The following AKR1C4 variants were observed in gnomAD, a reference collection of about 807,000 sequenced individuals.
The protein encoded by AKR1C4 is aldo-keto reductase family 1 member C4.
Under a neutral mutation model 41.0 loss-of-function variants are expected in AKR1C4, and 44 were observed. The observed-to-expected ratio is 1.07, with a 90% CI of 0.84 to 1.38. The LOEUF (loss-of-function observed/expected upper bound fraction) is 1.38. Ranked by LOEUF, AKR1C4 falls within the 40% of genes most tolerant of loss-of-function variation. AKR1C4 has a pLI of 0.00. For missense variants in AKR1C4, 438 were observed against 387.9 expected (o/e 1.13, Z -1.09); for synonymous variants, 165 against 137.7 (o/e 1.20, Z -1.39).
chr10:5,199,739 TC>T (rs1832367499), intron 1 of AKR1C4, among the ~76,000 whole-genome samples: 1 of 151,782 alleles, frequency 6.6e-6, no homozygotes, highest in African/African-American at 2.4e-5. Context: ...CCTTCTGACT[TC>T]CCCCCAAGCT....
intron 3 of AKR1C4, among the ~76,000 whole-genome samples, chr10:5,205,497 G>A (rs782564523): frequency 9.2e-5 from 14 of 152,136 alleles, no homozygotes; most frequent in Admixed American, 6.5e-4. Flanking sequence ...TCAGACAAAA[G>A]TAACAGAAGT....
chr10:5,216,843 T>G (rs781991900), intron 8 of AKR1C4, 50 bp downstream of exon 8: 18 of 1,359,144 alleles, frequency 1.3e-5, no homozygotes, highest in Non-Finnish European at 1.8e-5. Context: ...AGAGGAGGAA[T>G]GTCAGATGGG....
Position 5,213,074 on chromosome 10 carries a change from TG to T in AKR1C4, c.762del (p.Ile255LeufsTer34). On this transcript the variant is annotated frameshift_variant, in exon 7 of 9. Coordinates refer to ENST00000263126, the MANE Select transcript of AKR1C4 (RefSeq NM_001818.5). LOFTEE classifies it high-confidence loss of function. ...LAKKHKQTPA[L>X]IALRYQLQRG... ...AAGAAACACAAACAAACCCCAGCCC[TG>T]ATTGCCCTGCGCTACCAGCTGCAGC... 6.2e-7 allele frequency: 1 copy of T among 1,614,154 alleles called. No individual in the cohort carries two copies. Among genetic ancestry groups the T allele is most frequent in the South Asian group, 1.1e-5 (1 of 91,082 alleles).
rs1554797482 is a variant in AKR1C4 at position 5,206,313 on chromosome 10, C to T, written c.486C>T (p.Ser162=). 1 of 1,614,076 alleles carries T rather than the reference C, an allele frequency of 6.2e-7. No individual in the cohort carries two copies. The highest frequency in any genetic ancestry group is 1.7e-5 in the Admixed American group (1 of 60,000). The change falls in exon 5 of 9, where the codon TCC becomes TCT. Residue 162 remains serine, a synonymous_variant. Coordinates refer to ENST00000263126, the MANE Select transcript of AKR1C4 (RefSeq NM_001818.5). The part of the protein sequence containing the change: ...EKCKDAGLAK[S]IGVSNFNCRQ... Reference sequence around the variant, plus strand: ...GTAAGGATGCAGGATTGGCCAAGTCCATCGGGGTGTCAAACTTCAACTGCA... The same window carrying T: ...GTAAGGATGCAGGATTGGCCAAGTCTATCGGGGTGTCAAACTTCAACTGCA...
intron 7 of AKR1C4, 106 bp from the exon 8 acceptor site, chr10:5,216,605 C>G: frequency 1.4e-6 from 1 of 722,592 alleles, no homozygotes; most frequent in Non-Finnish European, 2.3e-6. Context: ...GGAAACTTAT[C>G]AAGTATTTTA....
chr10:5,218,775 C>G lies in AKR1C4; in HGVS notation c.*15C>G. Reference sequence around the variant, plus strand: ...ATGAATATTAGCATAGAGGGTGTTGCACGACATCTAGCAGAAGGCCCTGTG... The same window carrying G: ...ATGAATATTAGCATAGAGGGTGTTGGACGACATCTAGCAGAAGGCCCTGTG... On this transcript the variant is annotated 3_prime_UTR_variant, in exon 9 of 9. Coordinates refer to ENST00000263126, the MANE Select transcript of AKR1C4 (RefSeq NM_001818.5). 6.2e-7 allele frequency: 1 copy of G among 1,601,210 alleles called. No individual in the cohort carries two copies. The highest frequency in any genetic ancestry group is 8.6e-7 in the Non-Finnish European group (1 of 1,168,422).
chr10:5,217,685 G>A (rs1044948851), intron 8 of AKR1C4, among the ~76,000 whole-genome samples: 8 of 152,184 alleles, frequency 5.3e-5, no homozygotes, highest in Admixed American at 2.6e-4. Context: ...CCTTGAACCC[G>A]GGAAGCAGAG....
At chr10:5,213,516 T>A (rs1340030957) in intron 7 of AKR1C4, among the ~76,000 whole-genome samples, 1 of 152,228 alleles carries the variant, frequency 6.6e-6, no homozygotes. Context: ...TTACTCAGTA[T>A]AAATTTCATA....
chr10:5,213,180 C>A (rs781878980), intron 7 of AKR1C4, 21 bp downstream of exon 7: 23 of 1,611,980 alleles, frequency 1.4e-5, no homozygotes, highest in Non-Finnish European at 1.9e-5. Flanking sequence ...GGGTGGGCAT[C>A]AGGGCTCCTG....
At chr10:5,203,199 C>T (rs782093162) in intron 2 of AKR1C4, among the ~76,000 whole-genome samples, 2 of 152,112 alleles carry the variant, frequency 1.3e-5, no homozygotes, top group Non-Finnish European at 2.9e-5. Context: ...TTGTCTGCAG[C>T]ACACTTCCTG....
rs782694538 is a variant in AKR1C4 at position 5,206,257 on chromosome 10, C to T, written c.448-18C>T. ...AGCCAACTGCACAAATAATTCCTCA[C>T]AACCCCTTTCTCCCCAGGTCATGGA... On this transcript the variant is annotated intron_variant, in intron 4 of 8. Transcript: ENST00000263126. 6.2e-7 allele frequency: 1 copy of T among 1,613,964 alleles called. No homozygotes were observed. The highest frequency in any genetic ancestry group is 8.5e-7 in the Non-Finnish European group (1 of 1,179,896).
intron 3 of AKR1C4, among the ~76,000 whole-genome samples, chr10:5,205,044 GA>G (rs1291206474): frequency 1.1e-4 from 16 of 152,000 alleles, no homozygotes; most frequent in African/African-American, 2.4e-4. Context: ...TAAATTTATA[GA>G]AAAAAAACTC....
Position 5,204,397 on chromosome 10 carries a change from A to T in AKR1C4, c.273A>T (p.Gln91His). 6.2e-7 allele frequency: 1 copy of T among 1,613,896 alleles called. No individual in the cohort carries two copies. The highest frequency in any genetic ancestry group is 1.1e-5 in the South Asian group (1 of 91,074). Residue 91 changes from glutamine to histidine, a missense_variant, in exon 3 of 9, where the codon CAA (glutamine) becomes CAT (histidine). By Grantham distance (24) the Gln-to-His change is conservative. Transcript: ENST00000263126. The part of the protein sequence containing the change: ...YTSKLWCTFF[Q>H]PQMVQPALES... Reference sequence around the variant, plus strand: ...TGCAGCTTTGGTGCACTTTCTTTCAACCACAGATGGTCCAACCAGCCTTGG... The same window carrying T: ...TGCAGCTTTGGTGCACTTTCTTTCATCCACAGATGGTCCAACCAGCCTTGG...
Position 5,205,777 on chromosome 10 carries a change from A to C in AKR1C4, c.390A>C (p.Pro130=). 1 of 1,613,550 alleles carries C rather than the reference A, an allele frequency of 6.2e-7. No individual in the cohort carries two copies. Among genetic ancestry groups the C allele is most frequent in the Non-Finnish European group, 8.5e-7 (1 of 1,179,614 alleles). ...MALKPGETPL[P]KDENGKVIFD... is the part of the protein sequence containing the mutation. The stretch of plus-strand genomic sequence containing the variant: ...TTCAGCCAGGTGAGACGCCACTACC[A>C]AAAGATGAAAATGGAAAAGTAATAT... The change falls in exon 4 of 9, where the codon CCA becomes CCC. Residue 130 remains proline (P), a synonymous_variant. Transcript: ENST00000263126.
Position 5,218,732 on chromosome 10 carries a change from C to T in AKR1C4, c.944C>T (p.Pro315Leu). 6.2e-7 allele frequency: 1 copy of T among 1,603,248 alleles called. No individual in the cohort carries two copies. Among genetic ancestry groups the T allele is most frequent in the Admixed American group, 1.7e-5 (1 of 60,000 alleles). ...YVVMDFLMDH[P>L]DYPFSDEY The stretch of plus-strand genomic sequence containing the variant: ...TCTCTTTTCAGTCTTATGGACCATC[C>T]TGATTATCCATTTTCAGATGAATAT... The change falls in exon 9 of 9, where the codon CCT becomes CTT. Residue 315 changes from proline to leucine, a missense_variant. Coordinates refer to ENST00000263126, the MANE Select transcript of AKR1C4 (RefSeq NM_001818.5).
chr10:5,206,172 ATT>A, intron 4 of AKR1C4, 101 bp from the exon 5 acceptor site: 1 of 1,550,642 alleles, frequency 6.4e-7, no homozygotes, highest in Non-Finnish European at 8.7e-7. Context: ...TGCTATTTTC[ATT>A]GTCATATCTT....
intron 5 of AKR1C4, among the ~76,000 whole-genome samples, chr10:5,211,461 G>A (rs563865778): frequency 6.6e-6 from 1 of 150,940 alleles, no homozygotes; most frequent in South Asian, 2.1e-4. Context: ...CACATCTCTA[G>A]GGCAGGGACA....
rs1161477826 is a variant in AKR1C4 at position 5,218,870 on chromosome 10, C to G, written c.*110C>G. On this transcript the variant is annotated 3_prime_UTR_variant, in exon 9 of 9. Coordinates refer to ENST00000263126, the MANE Select transcript of AKR1C4 (RefSeq NM_001818.5). ...ACACAGCCTCTGGTTAAATCCCTCC[C>G]CTCCTGCTTGGCAACTTCAGCTAGC... The G allele has an allele frequency of 2.9e-6, 3 of 1,018,386 alleles. No individual in the cohort carries two copies. The Admixed American group carries it at 6.5e-5, about 22-fold the overall frequency. 63.1% of individuals were successfully genotyped at this position (1,018,386 alleles called of 1,614,324 possible).
rs577292284 is a variant in AKR1C4 at position 5,209,866 on chromosome 10, C to G, written c.571-2750C>G. ...GGACACATAGCCAAACCATATCATGCCACCCCTGGCCCCTCCCAAATCTCA... is the reference window on the plus strand; with the variant it reads ...GGACACATAGCCAAACCATATCATGGCACCCCTGGCCCCTCCCAAATCTCA... On this transcript the variant is annotated intron_variant, in intron 5 of 8. Coordinates refer to ENST00000263126, the MANE Select transcript of AKR1C4 (RefSeq NM_001818.5). Among the ~76,000 whole-genome samples, 235 of 152,256 alleles carry G rather than the reference C, an allele frequency of 1.5e-3. 1 individual carries two copies. The highest frequency in any genetic ancestry group is 5.3e-3 in the African/African-American group (222 of 41,534).
Sources: allele counts gnomAD v4.1 joint callset (sites outside exome capture counted in the v4.1 genomes callset), GRCh38; gene constraint gnomAD v4.1.1; transcripts MANE v1.5; gene names NCBI Gene and HGNC (gene_info 2026-07-23, HGNC 2026-07-21).